TANC2: variants seen among roughly 807,000 people sequenced by gnomAD.
The protein encoded by TANC2 is protein TANC2.
A neutral mutation model predicts 210.5 loss-of-function variants in TANC2; 26 were observed. The ratio of observed to expected loss-of-function variants is 0.12; its 90% confidence interval spans 0.09 to 0.17. TANC2 has a LOEUF of 0.17. TANC2 is among the 10% of genes least tolerant of loss of function. The pLI is 1.00. For missense variants in TANC2, 2,129 were observed against 2,608.9 expected (o/e 0.82, Z 4.01); for synonymous variants, 931 against 967.1 (o/e 0.96, Z 0.69).
intron 2 of TANC2, among the ~76,000 whole-genome samples, chr17:63,061,294 G>A (rs1202242053): frequency 2.0e-5 from 3 of 151,458 alleles, no homozygotes; most frequent in Non-Finnish European, 4.4e-5. Flanking sequence ...TTGAATCCAG[G>A]AGGTGGAAGT....
intron 7 of TANC2, among the ~76,000 whole-genome samples, chr17:63,232,531 TG>T (rs910766441): frequency 3.9e-5 from 6 of 152,252 alleles, no homozygotes; most frequent in African/African-American, 1.4e-4. Flanking sequence ...TGCAGTTTGC[TG>T]GGGGTCCATC....
chr17:62,981,647 C>T (rs552446645), intron 1 of TANC2, among the ~76,000 whole-genome samples: 1 of 152,264 alleles, frequency 6.6e-6, no homozygotes, highest in East Asian at 1.9e-4. Context: ...GGCCAGACTT[C>T]ACAAGTTAAG....
At chr17:63,221,189 G>A (rs897348168) in intron 7 of TANC2, among the ~76,000 whole-genome samples, 1 of 152,000 alleles carries the variant, frequency 6.6e-6, no homozygotes, top group African/African-American at 2.4e-5. Context: ...TGTAATCTTG[G>A]CACTTTGGGA....
intron 25 of TANC2, 136 bp downstream of exon 25, chr17:63,413,770 CAT>C (rs1456962833): frequency 1.3e-6 from 1 of 785,176 alleles, no homozygotes; most frequent in African/African-American, 1.7e-5. Flanking sequence ...GTGATGGCCT[CAT>C]ATGTTGGGGA....
chr17:63,231,197 CA>C (rs1383529488), intron 7 of TANC2, among the ~76,000 whole-genome samples: 1 of 151,706 alleles, frequency 6.6e-6, no homozygotes, highest in Non-Finnish European at 1.5e-5. Context: ...TACAGCATAC[CA>C]AGGGGTCTTT....
At chr17:63,116,990 A>G (rs867202973) in intron 4 of TANC2, 1 of 152,230 alleles carries the variant, frequency 6.6e-6, no homozygotes, top group African/African-American at 2.4e-5. Flanking sequence ...GAAGAGCAAA[A>G]CATGAGAAGG....
chr17:63,313,385 A>G (rs1490977768), intron 9 of TANC2: 2 of 152,190 alleles, frequency 1.3e-5, no homozygotes, highest in African/African-American at 4.8e-5. Context: ...TAACCCAGAT[A>G]TGGACCATCA....
At chr17:63,136,269 C>T (rs1301056866) in intron 4 of TANC2, among the ~76,000 whole-genome samples, 1 of 152,072 alleles carries the variant, frequency 6.6e-6, no homozygotes, top group African/African-American at 2.4e-5. Context: ...ATGTTGTCTC[C>T]ATATTTATTG....
At chr17:63,148,229 T>C (rs2039528255) in intron 4 of TANC2, 1 of 152,228 alleles carries the variant, frequency 6.6e-6, no homozygotes, top group African/African-American at 2.4e-5. Context: ...GCTGTCTCTA[T>C]AGTATGTCTG....
intron 1 of TANC2, among the ~76,000 whole-genome samples, chr17:62,974,092 G>T (rs1344805141): frequency 1.3e-5 from 2 of 152,186 alleles, no homozygotes; most frequent in South Asian, 2.1e-4. Context: ...TTAAGTGTTC[G>T]TTGAATATCA....
chr17:63,120,149 C>T (rs1441577414), intron 4 of TANC2, among the ~76,000 whole-genome samples: 1 of 150,412 alleles, frequency 6.6e-6, no homozygotes, highest in Non-Finnish European at 1.5e-5. Flanking sequence ...AGTAATCTTT[C>T]TTGACCATAT....
chr17:63,389,955 C>T (rs2047912460), intron 17 of TANC2: 1 of 240,810 alleles, frequency 4.2e-6, no homozygotes, highest in Admixed American at 5.2e-5. Flanking sequence ...AAAACTTAGC[C>T]ATGGAGATGA....
intron 5 of TANC2, among the ~76,000 whole-genome samples, chr17:63,188,271 C>T (rs1370763050): frequency 6.6e-6 from 1 of 150,622 alleles, no homozygotes; most frequent in Non-Finnish European, 1.5e-5. Flanking sequence ...CCGGAACAGC[C>T]TGGACAGCAA....
intron 7 of TANC2, among the ~76,000 whole-genome samples, chr17:63,237,265 C>A (rs988673528): frequency 6.6e-6 from 1 of 151,826 alleles, no homozygotes; most frequent in East Asian, 1.9e-4. Context: ...ATTTGTATGT[C>A]TCCTTTTGGA....
At chr17:62,999,905 A>G (rs377463641) in intron 1 of TANC2, among the ~76,000 whole-genome samples, 1 of 152,250 alleles carries the variant, frequency 6.6e-6, no homozygotes. Context: ...ATGCAGGCAT[A>G]AAAGAATGAG....
At chr17:63,131,530 TG>T (rs1280225035) in intron 4 of TANC2, among the ~76,000 whole-genome samples, 8 of 130,064 alleles carry the variant, frequency 6.2e-5, no homozygotes, top group Non-Finnish European at 1.3e-4. Flanking sequence ...ACAATTACTT[TG>T]GTTTTTTTTT....
intron 3 of TANC2, among the ~76,000 whole-genome samples, chr17:63,091,170 C>A (rs967734909): frequency 3.6e-5 from 5 of 139,918 alleles, no homozygotes; most frequent in Non-Finnish European, 7.8e-5. Context: ...TGCCTGTTCA[C>A]TCTGATAGTG....
intron 9 of TANC2, among the ~76,000 whole-genome samples, chr17:63,275,406 T>A (rs1318014886): frequency 1.3e-5 from 2 of 152,196 alleles, no homozygotes; most frequent in Non-Finnish European, 2.9e-5. Flanking sequence ...ACAGTTAACT[T>A]GGTTTTATCA....
At chr17:63,048,460 A>G (rs1230780021) in intron 2 of TANC2, among the ~76,000 whole-genome samples, 1 of 152,110 alleles carries the variant, frequency 6.6e-6, no homozygotes, top group African/African-American at 2.4e-5. Context: ...TCTTTAATCC[A>G]TCTTGATTTG....
Sources: gnomAD v4.1 joint callset for allele counts (sites outside exome capture counted in the v4.1 genomes callset) on GRCh38, gnomAD v4.1.1 for gene constraint, MANE v1.5 for transcripts, NCBI Gene and HGNC (gene_info 2026-07-23, HGNC 2026-07-21) for gene names.